Variants in HM13 observed in about 807,000 individuals in gnomAD.
HM13 encodes the protein signal peptide peptidase.
HM13 carries 18 observed loss-of-function variants against 50.0 expected under a neutral mutation model. The ratio of observed to expected loss-of-function variants is 0.36; its 90% CI spans 0.25 to 0.53. The LOEUF (loss-of-function observed/expected upper bound fraction) is 0.53. HM13 is among the 20% of genes least tolerant of loss of function. HM13 has a pLI of 0.90. For synonymous variants in HM13, 197 were observed against 232.6 expected (o/e 0.85, Z 1.39); for missense variants, 393 against 552.4 (o/e 0.71, Z 2.89).
At chr20:31,533,469 C>T (rs1316101333) in intron 2 of HM13, among the ~76,000 whole-genome samples, 1 of 152,254 alleles carries the variant, frequency 6.6e-6, no homozygotes, top group Non-Finnish European at 1.5e-5. Flanking sequence ...CATGCCACTG[C>T]ACTCCAGCCT....
chr20:31,538,617 G>C (rs1983258613), intron 3 of HM13: 1 of 1,229,156 alleles, frequency 8.1e-7, no homozygotes, highest in East Asian at 3.3e-5. Flanking sequence ...GTGCCATGTT[G>C]GGCTCCTCAC....
intron 2 of HM13, among the ~76,000 whole-genome samples, chr20:31,537,276 G>A (rs13433288): frequency 6.6e-6 from 1 of 152,226 alleles, no homozygotes; most frequent in African/African-American, 2.4e-5. Flanking sequence ...CCAAGGCTCA[G>A]GAGACTTGTG....
At position 31,550,174 on chromosome 20, in the gene HM13, T is replaced by C; in HGVS notation, c.724+53T>C. On this transcript the variant is annotated intron_variant, in intron 7 of 12. Coordinates refer to ENST00000398174, the MANE Select transcript of HM13 (RefSeq NM_178581.3). ...CCCTTCCCCCACCCCTGCCGGGCCA[T>C]GCCCCCACAGCCCGTTTCAGTCAGT... The C allele has an allele frequency of 4.4e-6, 6 of 1,357,776 alleles. No individual in the cohort carries two copies. In the South Asian group the frequency reaches 7.0e-5, roughly 16 times the overall value. The allele number at this position is 1,357,776 out of a possible 1,614,324, so 84.1% of individuals were successfully genotyped here. A position where few individuals can be genotyped will look rare whatever the true frequency, so the allele number is the denominator to read the frequency against.
intron 4 of HM13, among the ~76,000 whole-genome samples, chr20:31,547,118 A>C (rs1983767985): frequency 6.6e-6 from 1 of 152,184 alleles, no homozygotes; most frequent in Admixed American, 6.5e-5. Context: ...GAGAAGCTGG[A>C]AAATGGCCGT....
At chr20:31,515,488 T>G (rs532790592) in intron 1 of HM13, among the ~76,000 whole-genome samples, 2 of 152,312 alleles carry the variant, frequency 1.3e-5, no homozygotes, top group South Asian at 4.1e-4. Context: ...AGTCAAAACC[T>G]AGACCTTGTT....
At chr20:31,551,090 A>T (rs1295155877) in intron 7 of HM13, among the ~76,000 whole-genome samples, 1 of 152,256 alleles carries the variant, frequency 6.6e-6, no homozygotes, top group Non-Finnish European at 1.5e-5. Flanking sequence ...TCCCCAAAAC[A>T]TTTCATTATG....
At chr20:31,525,128 A>C (rs1982411904) in intron 1 of HM13, among the ~76,000 whole-genome samples, 1 of 152,092 alleles carries the variant, frequency 6.6e-6, no homozygotes, top group African/African-American at 2.4e-5. Context: ...AGTGCTGTCT[A>C]TGTATTTCCT....
At chr20:31,520,618 T>C (rs998445734) in intron 1 of HM13, among the ~76,000 whole-genome samples, 4 of 152,176 alleles carry the variant, frequency 2.6e-5, no homozygotes, top group Non-Finnish European at 5.9e-5. Context: ...CAGAGGTTTT[T>C]AAGCAGATAC....
rs1332019278 is a variant in HM13 at position 31,549,057 on chromosome 20, G to A, written c.483G>A (p.Lys161=). 1.2e-6 allele frequency: 2 copies of A among 1,614,182 alleles called. No individual in the cohort carries two copies. Among genetic ancestry groups the A allele is most frequent in the Admixed American group, 1.7e-5 (1 of 60,032 alleles). Residue 161 remains lysine, a synonymous_variant, in exon 5 of 13, where the codon AAG becomes AAA. Coordinates refer to ENST00000398174, the MANE Select transcript of HM13 (RefSeq NM_178581.3). ...TCATCAATTATGAATTTGACACCAAGGACCTGGTGTGCCTGGGCCTGAGCA... is the reference window on the plus strand; with the variant it reads ...TCATCAATTATGAATTTGACACCAAAGACCTGGTGTGCCTGGGCCTGAGCA... ...EEIINYEFDT[K]DLVCLGLSSI... is the part of the protein sequence containing the mutation.
intron 2 of HM13, among the ~76,000 whole-genome samples, chr20:31,532,659 G>A (rs1205072084): frequency 6.6e-6 from 1 of 152,136 alleles, no homozygotes; most frequent in Non-Finnish European, 1.5e-5. Flanking sequence ...GTATATCTGT[G>A]TGTATGAGTG....
intron 2 of HM13, 117 bp downstream of exon 2, chr20:31,527,699 A>G (rs1982579711): frequency 2.7e-6 from 2 of 747,036 alleles, no homozygotes; most frequent in Admixed American, 5.6e-5. Flanking sequence ...AGAAGAAAGA[A>G]AAATTAATAA....
intron 8 of HM13, among the ~76,000 whole-genome samples, chr20:31,556,738 C>T (rs1007705937): frequency 3.3e-5 from 5 of 151,530 alleles, no homozygotes; most frequent in East Asian, 1.9e-4. Flanking sequence ...GCTAGGTGGC[C>T]GGCCGGGCAC....
chr20:31,528,989 G>T (rs568496961), intron 2 of HM13, among the ~76,000 whole-genome samples: 1 of 152,160 alleles, frequency 6.6e-6, no homozygotes, highest in African/African-American at 2.4e-5. Context: ...TGTTGTTTAT[G>T]TTAGGTTTTT....
intron 4 of HM13, among the ~76,000 whole-genome samples, chr20:31,546,424 G>T (rs1983722599): frequency 6.6e-6 from 1 of 152,060 alleles, no homozygotes; most frequent in African/African-American, 2.4e-5. Context: ...CATCTCTAAG[G>T]AACCTCTGTT....
intron 8 of HM13, among the ~76,000 whole-genome samples, chr20:31,557,569 G>A (rs1324981710): frequency 6.6e-6 from 1 of 152,202 alleles, no homozygotes; most frequent in Non-Finnish European, 1.5e-5. Context: ...TGAGTTCCCA[G>A]CTTGATTCCA....
At position 31,514,954 on chromosome 20, in the gene HM13, A is replaced by C. The variant is rs1264258068; in HGVS notation, c.183+220A>C. Among the ~76,000 whole-genome samples the C allele has an allele frequency of 1.3e-5, 2 of 152,120 alleles. No homozygotes were observed. The highest frequency in any genetic ancestry group is 6.8e-3 in the Middle Eastern group (2 of 294). On this transcript the variant is annotated intron_variant, in intron 1 of 12. Coordinates refer to ENST00000398174, the MANE Select transcript of HM13 (RefSeq NM_178581.3). This position sits in a 1 kb window ranked among gnomAD's most constrained non-coding sequence, Gnocchi z 4.3. The stretch of plus-strand genomic sequence containing the variant: ...ACCAGGGTATGATACCTTCCCCAAT[A>C]GGAACTTGCTTCTGCTCCCGACCCG...
chr20:31,520,261 A>C (rs1363035423), intron 1 of HM13, among the ~76,000 whole-genome samples: 4 of 152,056 alleles, frequency 2.6e-5, no homozygotes, highest in Non-Finnish European at 4.4e-5. Context: ...ATGGCTGTGG[A>C]GTAGTCTGTT....
intron 10 of HM13, 84 bp from the exon 11 acceptor site, chr20:31,566,126 C>A: frequency 3.0e-6 from 3 of 992,032 alleles, no homozygotes; most frequent in East Asian, 4.8e-5. Flanking sequence ...TTCAGTCCAG[C>A]CCAGAAGGGG....
chr20:31,543,177 A>G (rs527616643), intron 3 of HM13, among the ~76,000 whole-genome samples: 52 of 152,310 alleles, frequency 3.4e-4, no homozygotes, highest in African/African-American at 1.3e-3. Context: ...CTGGCCTTGC[A>G]CCTGCTGCGC....
Sources: allele counts gnomAD v4.1 joint callset (sites outside exome capture counted in the v4.1 genomes callset), GRCh38; gene constraint gnomAD v4.1.1; non-coding constraint Gnocchi (gnomAD v3.1); transcripts MANE v1.5; gene names NCBI Gene and HGNC (gene_info 2026-07-23, HGNC 2026-07-21).